EPS15: variants seen among roughly 807,000 people sequenced by gnomAD.
EPS15 encodes epidermal growth factor receptor pathway substrate 15.
Under a neutral mutation model 113.8 loss-of-function variants are expected in EPS15, and 72 were observed. That is an observed-to-expected ratio of 0.63 (90% confidence interval 0.52 to 0.77). The LOEUF (loss-of-function observed/expected upper bound fraction) is 0.77, where lower values mean the gene tolerates loss of function less well. Among genes scored for constraint, EPS15 ranks in the 30% least tolerant of loss-of-function variants. The pLI, the probability that EPS15 is intolerant of heterozygous loss-of-function variation, is 0.00. For synonymous variants in EPS15, 344 were observed against 363.4 expected (o/e 0.95, Z 0.61); for missense variants, 1,048 against 1,045.8 (o/e 1.00, Z -0.03).
At chr1:51,468,278 C>T (rs1201118631) in intron 5 of EPS15, among the ~76,000 whole-genome samples, 195 bp downstream of exon 5, 4 of 151,944 alleles carry the variant, frequency 2.6e-5, no homozygotes, top group Non-Finnish European at 5.9e-5. Flanking sequence ...CTCACATATA[C>T]ATATATAATC....
intron 1 of EPS15, among the ~76,000 whole-genome samples, chr1:51,516,441 A>T (rs958641834): frequency 2.6e-5 from 4 of 152,120 alleles, no homozygotes; most frequent in African/African-American, 4.8e-5. Flanking sequence ...CTGGATATTT[A>T]ACCCAAACCC....
chr1:51,466,117 A>C (rs932339013), intron 5 of EPS15, among the ~76,000 whole-genome samples: 8 of 149,972 alleles, frequency 5.3e-5, no homozygotes, highest in Non-Finnish European at 7.4e-5. Context: ...ATGATAATTA[A>C]AACAATGTAA....
chr1:51,403,555 G>T, intron 16 of EPS15, 23 bp from the exon 17 acceptor site: 4 of 1,303,088 alleles, frequency 3.1e-6, no homozygotes, highest in Non-Finnish European at 4.3e-6. Context: ...AATGCAAGTA[G>T]ATTAACAATA....
At chr1:51,468,284 T>A (rs931120073) in intron 5 of EPS15, among the ~76,000 whole-genome samples, 189 bp downstream of exon 5, 1 of 152,004 alleles carries the variant, frequency 6.6e-6, no homozygotes, top group Non-Finnish European at 1.5e-5. Context: ...TATACATATA[T>A]AATCACTCTG....
At chr1:51,462,214 T>C (rs1304244948) in intron 7 of EPS15, 1 of 151,910 alleles carries the variant, frequency 6.6e-6, no homozygotes, top group Non-Finnish European at 1.5e-5. Flanking sequence ...AATATAAAAA[T>C]CAGCTGGGCG....
intron 21 of EPS15, among the ~76,000 whole-genome samples, chr1:51,387,256 GAC>G (rs1647106905): frequency 6.6e-6 from 1 of 151,994 alleles, no homozygotes; most frequent in African/African-American, 2.4e-5. Flanking sequence ...ATACTTTACA[GAC>G]AAGCAAATGC....
chr1:51,416,301 T>C (rs1444338000), intron 13 of EPS15, among the ~76,000 whole-genome samples: 2 of 152,206 alleles, frequency 1.3e-5, no homozygotes, highest in Non-Finnish European at 2.9e-5. Context: ...GATGCTTTCC[T>C]AGTTCTGCTT....
chr1:51,457,844 A>G lies in EPS15; in HGVS notation c.561+3247T>C, dbSNP rs200441522. On this transcript the variant is annotated intron_variant, in intron 8 of 24. Coordinates refer to ENST00000371733, the MANE Select transcript of EPS15 (RefSeq NM_001981.3). ...ATTAATGAAACAAGACATTATAACAAAATTTCCACATTAACTGGGAGGCGG... is the reference window on the plus strand; with the variant it reads ...ATTAATGAAACAAGACATTATAACAGAATTTCCACATTAACTGGGAGGCGG... 7.2e-5 allele frequency: 11 copies of G among 152,262 alleles called. No individual in the cohort carries two copies. The East Asian group carries it at 1.9e-3, about 27-fold the overall frequency. 9.4% of individuals were successfully genotyped at this position (152,262 alleles called of 1,614,324 possible). A position where few individuals can be genotyped will look rare whatever the true frequency, so the allele number is the denominator to read the frequency against.
At chr1:51,495,079 G>A (rs903018452) in intron 1 of EPS15, among the ~76,000 whole-genome samples, 1 of 152,192 alleles carries the variant, frequency 6.6e-6, no homozygotes, top group Non-Finnish European at 1.5e-5. Flanking sequence ...TATAAAGTAT[G>A]CAAGCCTGAA....
intron 8 of EPS15, among the ~76,000 whole-genome samples, chr1:51,450,149 A>T (rs1653420511): frequency 6.6e-6 from 1 of 151,644 alleles, no homozygotes; most frequent in African/African-American, 2.4e-5. Flanking sequence ...GTGGTGAAGG[A>T]TTGGGCACAA....
intron 1 of EPS15, among the ~76,000 whole-genome samples, chr1:51,488,723 C>T (rs1644173127): frequency 6.6e-6 from 1 of 152,000 alleles, no homozygotes; most frequent in African/African-American, 2.4e-5. Context: ...AGGCATGAGC[C>T]ACTACACCCA....
At chr1:51,390,212 G>A (rs536198155) in intron 21 of EPS15, among the ~76,000 whole-genome samples, 13 of 152,234 alleles carry the variant, frequency 8.5e-5, no homozygotes, top group Non-Finnish European at 1.3e-4. Flanking sequence ...CAAGCAATGA[G>A]GAAAGGATTC....
intron 6 of EPS15, 52 bp downstream of exon 6, chr1:51,465,209 A>G: frequency 9.3e-7 from 1 of 1,073,288 alleles, no homozygotes; most frequent in Non-Finnish European, 1.4e-6. Context: ...GTAGAGAGAG[A>G]GTAGATAGGA....
Position 51,472,927 on chromosome 1 carries a change from T to C in EPS15, c.97A>G (p.Arg33Gly). The C allele has an allele frequency of 6.2e-7, 1 of 1,613,518 alleles. No individual in the cohort carries two copies. The highest frequency in any genetic ancestry group is 1.3e-5 in the African/African-American group (1 of 75,002). The change falls in exon 3 of 25, where the codon AGG (arginine) becomes GGG (glycine). Residue 33 changes from arginine (R) to glycine (G), a missense_variant. Arg to Gly is a moderately radical substitution (Grantham distance 125). Coordinates refer to ENST00000371733, the MANE Select transcript of EPS15 (RefSeq NM_001981.3). ...YRQVDTGNTGRVLASDAAAFL... is the reference protein window; with the variant it reads ...YRQVDTGNTGGVLASDAAAFL... ...GCAGCAGCATCAGAAGCCAACACCC[T>C]TCCAGTATTGCCTGTATCAACCTGA...
chr1:51,426,837 C>CTCTCTCTCTATATATATA (rs377211027), intron 12 of EPS15, among the ~76,000 whole-genome samples: 12 of 143,646 alleles, frequency 8.4e-5, no homozygotes, highest in African/African-American at 3.2e-4. Flanking sequence ...CTCTCTCTCT[C>CTCTCTCTCTATATATATA]TATATATATA....
At chr1:51,459,640 CTAAT>C (rs1654283058) in intron 8 of EPS15, among the ~76,000 whole-genome samples, 1 of 152,070 alleles carries the variant, frequency 6.6e-6, no homozygotes, top group Non-Finnish European at 1.5e-5. Context: ...AAAGCCTTAA[CTAAT>C]TTTTTTAATT....
intron 18 of EPS15, 96 bp downstream of exon 18, chr1:51,402,339 G>C (rs1302717636): frequency 8.6e-5 from 51 of 594,996 alleles, no homozygotes. Flanking sequence ...AGACTGAGTT[G>C]GTAGGCTATT....
chr1:51,480,502 C>T (rs943956336), intron 2 of EPS15, among the ~76,000 whole-genome samples: 1 of 151,940 alleles, frequency 6.6e-6, no homozygotes, highest in Admixed American at 6.6e-5. Context: ...ACTCATATTC[C>T]CATTTTTTTG....
chr1:51,440,228 A>G (rs2148473903), intron 12 of EPS15, 119 bp downstream of exon 12: 1 of 423,388 alleles, frequency 2.4e-6, no homozygotes, highest in Non-Finnish European at 4.2e-6. Flanking sequence ...TATACATTAG[A>G]AACAGAAAGG....
Sources: gnomAD v4.1 joint callset for allele counts (sites outside exome capture counted in the v4.1 genomes callset) on GRCh38, gnomAD v4.1.1 for gene constraint, MANE v1.5 for transcripts, NCBI Gene and HGNC (gene_info 2026-07-23, HGNC 2026-07-21) for gene names.